SLC2A14: variants seen among roughly 807,000 people sequenced by gnomAD.
The protein encoded by SLC2A14 is solute carrier family 2 member 14, also known as solute carrier family 2, facilitated glucose transporter member 14.
A neutral mutation model predicts 43.0 loss-of-function variants in SLC2A14; 13 were observed. The observed-to-expected ratio is 0.30, with a 90% confidence interval of 0.20 to 0.48. SLC2A14 has a LOEUF of 0.48. Ranked by LOEUF, SLC2A14 falls within the 20% of genes least tolerant of loss-of-function variation. The pLI is 0.99. For missense variants in SLC2A14, 428 were observed against 620.4 expected, an observed-to-expected ratio of 0.69 and a Z score of 3.29; for synonymous variants, 190 against 233.8, an observed-to-expected ratio of 0.81 and a Z score of 1.71.
rs113187028 is a variant in SLC2A14 at position 7,887,312 on chromosome 12, G to GA, written c.132+3683dup. 7.3e-3 allele frequency among the ~76,000 whole-genome samples: 1,070 copies of GA among 146,346 alleles called. 23 individuals carry two copies. The highest frequency in any genetic ancestry group is 0.025 in the African/African-American group (999 of 40,216). On this transcript the variant is annotated intron_variant, in intron 1 of 9. Transcript: ENST00000539924. Reference sequence around the variant, plus strand: ...CCTGGTTTCAATGGTAGGCTGTCATGAAAAAAAAAAATCACAGGGAGAATT... The same window carrying GA: ...CCTGGTTTCAATGGTAGGCTGTCATGAAAAAAAAAAAATCACAGGGAGAATT...
chr12:7,850,486 C>T (rs141375906), intron 2 of SLC2A14, among the ~76,000 whole-genome samples: 7,989 of 151,174 alleles, frequency 0.053, 244 homozygotes, highest in Middle Eastern at 0.075. Context: ...ACATCCGTCT[C>T]CTGGGTTCAA....
upstream of SLC2A14, chr12:7,872,984 A>C (rs1426520032): frequency 4.1e-6 from 4 of 985,516 alleles, no homozygotes; most frequent in Non-Finnish European, 4.8e-6. Flanking sequence ...GACTCGGTTC[A>C]TCGGGAGCCC....
intron 7 of SLC2A14, among the ~76,000 whole-genome samples, chr12:7,822,161 A>T (rs1321742259): frequency 6.6e-6 from 1 of 151,028 alleles, no homozygotes; most frequent in Non-Finnish European, 1.5e-5. Flanking sequence ...TGGTTTCGCC[A>T]TGTTGGCCAG....
rs1220271853 is a variant in SLC2A14 at position 7,844,330 on chromosome 12, C to G, written c.19-11516G>C. Among the ~76,000 whole-genome samples the G allele has an allele frequency of 2.6e-5, 4 of 152,128 alleles. No individual in the cohort carries two copies. In the East Asian group the frequency reaches 7.7e-4, roughly 29 times the overall value. On this transcript the variant is annotated intron_variant, in intron 2 of 10. Coordinates refer to ENST00000431042, the MANE Select transcript of SLC2A14 (RefSeq NM_001286234.2). ...TGGTGGTGTTGGTAGTTCATTCCTT[C>G]TTACTGCTGAGTAGTATTCCACTTT... is the stretch of plus-strand genomic sequence containing the variant.
At chr12:7,884,445 G>A (rs1255587237) in intron 1 of SLC2A14, among the ~76,000 whole-genome samples, 1 of 152,088 alleles carries the variant, frequency 6.6e-6, no homozygotes, top group African/African-American at 2.4e-5. Flanking sequence ...GGGGGATGGG[G>A]AAGAGTGGAA....
rs1056563111 is a variant in SLC2A14 at position 7,813,436 on chromosome 12, C to T, written c.*880G>A. ...CCCTGGACTCCATCCAAAATTAGAA[C>T]CCATCAACCGCCATTAACTACAATG... On this transcript the variant is annotated 3_prime_UTR_variant, in exon 11 of 11. Coordinates refer to ENST00000431042, the MANE Select transcript of SLC2A14 (RefSeq NM_001286234.2). 1 of 152,172 alleles carries T rather than the reference C, an allele frequency of 6.6e-6. No homozygotes were observed. Among genetic ancestry groups the T allele is most frequent in the African/African-American group, 2.4e-5 (1 of 41,428 alleles). 9.4% of individuals were successfully genotyped at this position (152,172 alleles called of 1,614,324 possible).
intron 2 of SLC2A14, among the ~76,000 whole-genome samples, chr12:7,837,514 C>A (rs1035424514): frequency 3.9e-5 from 6 of 151,988 alleles, no homozygotes; most frequent in Non-Finnish European, 7.4e-5. Flanking sequence ...TGGCGCAAGC[C>A]TGTAATCCCA....
intron 4 of SLC2A14, 47 bp from the exon 5 acceptor site, chr12:7,830,053 T>A: frequency 1.2e-6 from 2 of 1,609,802 alleles, no homozygotes. Flanking sequence ...AGTGAGAGGC[T>A]CCTAACTTCT....
At chr12:7,874,492 T>C (rs1278785856), upstream of SLC2A14, among the ~76,000 whole-genome samples, 3 of 151,382 alleles carry the variant, frequency 2.0e-5, no homozygotes, top group African/African-American at 7.3e-5. Context: ...GCCAACATGG[T>C]GAAACCCCGT....
intron 1 of SLC2A14, among the ~76,000 whole-genome samples, chr12:7,885,997 T>C (rs906020041): frequency 3.3e-5 from 5 of 151,648 alleles, no homozygotes; most frequent in African/African-American, 1.2e-4. Context: ...CTTCTTTTTT[T>C]TTTTTGAGAT....
chr12:7,834,528 CTCTTT>C (rs1255154355), intron 2 of SLC2A14, among the ~76,000 whole-genome samples: 1 of 59,280 alleles, frequency 1.7e-5, no homozygotes, highest in Non-Finnish European at 3.5e-5. Flanking sequence ...CCTTCTCTCT[CTCTTT>C]TTTTTTTTTT....
At chr12:7,830,568 C>T (rs977406519) in intron 4 of SLC2A14, among the ~76,000 whole-genome samples, 1 of 151,888 alleles carries the variant, frequency 6.6e-6, no homozygotes, top group East Asian at 1.9e-4. Flanking sequence ...ACTGGGAGGT[C>T]GAGGCTATAG....
chr12:7,882,631 G>C (rs1327916640), intron 1 of SLC2A14, among the ~76,000 whole-genome samples: 1 of 152,124 alleles, frequency 6.6e-6, no homozygotes, highest in Non-Finnish European at 1.5e-5. Flanking sequence ...GAGCTCAGGG[G>C]TTAAAGACCA....
At chr12:7,848,992 T>G (rs1866700786) in intron 2 of SLC2A14, among the ~76,000 whole-genome samples, 1 of 151,918 alleles carries the variant, frequency 6.6e-6, no homozygotes, top group Admixed American at 6.6e-5. Context: ...TAGCTGGCAT[T>G]ACAGGAACCT....
chr12:7,833,658 G>A (rs1168767828), intron 2 of SLC2A14, among the ~76,000 whole-genome samples: 1 of 152,050 alleles, frequency 6.6e-6, no homozygotes, highest in Non-Finnish European at 1.5e-5. Flanking sequence ...GGGTGTGCCT[G>A]TAATCCCAGC....
chr12:7,863,508 T>C, intron 2 of SLC2A14: 2 of 419,586 alleles, frequency 4.8e-6, no homozygotes, highest in Admixed American at 2.6e-5. Context: ...ATGCCTGTAG[T>C]CCCAGCTACC....
chr12:7,812,913 G>C lies in SLC2A14; in HGVS notation c.*1403C>G, dbSNP rs1291089874. Reference sequence around the variant, plus strand: ...CAACAATAACATACTTCCACCCAGAGCAAAGTGACAGTGCACATACATTCA... The same window carrying C: ...CAACAATAACATACTTCCACCCAGACCAAAGTGACAGTGCACATACATTCA... On this transcript the variant is annotated 3_prime_UTR_variant, in exon 11 of 11. Transcript: ENST00000431042. 1 of 152,140 alleles carries C rather than the reference G, an allele frequency of 6.6e-6. No homozygotes were observed. The highest frequency in any genetic ancestry group is 2.4e-5 in the African/African-American group (1 of 41,422). The allele number at this position is 152,140 out of a possible 1,614,324, so 9.4% of individuals were successfully genotyped here. A position where few individuals can be genotyped will look rare whatever the true frequency, so the allele number is the denominator to read the frequency against.
At chr12:7,856,392 G>A (rs1222286361) in intron 2 of SLC2A14, 1 of 152,182 alleles carries the variant, frequency 6.6e-6, no homozygotes, top group Non-Finnish European at 1.5e-5. Flanking sequence ...TAAGTCCCGT[G>A]CTGATCCGCA....
chr12:7,853,005 A>G (rs1027448260), intron 2 of SLC2A14, among the ~76,000 whole-genome samples: 3 of 152,180 alleles, frequency 2.0e-5, no homozygotes, highest in African/African-American at 2.4e-5. Flanking sequence ...ATTACAAAAT[A>G]TCCCAAACAT....
Sources: gnomAD v4.1 joint callset for allele counts (sites outside exome capture counted in the v4.1 genomes callset) on GRCh38, gnomAD v4.1.1 for gene constraint, MANE v1.5 for transcripts, NCBI Gene and HGNC (gene_info 2026-07-23, HGNC 2026-07-21) for gene names.